Variants in TOX4 observed in about 807,000 individuals in gnomAD.
The protein encoded by TOX4 is TOX high mobility group box family member 4, also known as epidermal Langerhans cell protein LCP1.
A neutral mutation model predicts 61.0 loss-of-function variants in TOX4; 12 were observed. The ratio of observed to expected loss-of-function variants is 0.20; its 90% CI spans 0.13 to 0.32. The LOEUF is 0.32. Among genes scored for constraint, TOX4 ranks in the 10% least tolerant of loss-of-function variants. The pLI is 1.00. For synonymous variants in TOX4, 268 were observed against 274.8 expected, an observed-to-expected ratio of 0.98 and a Z score of 0.24; for missense variants, 499 against 753.3, an observed-to-expected ratio of 0.66 and a Z score of 3.95.
chr14:21,477,381 G>A (rs1055389123), intron 1 of TOX4, 97 bp downstream of exon 1: 1 of 1,612,518 alleles, frequency 6.2e-7, no homozygotes, highest in Non-Finnish European at 8.5e-7. Flanking sequence ...TGACGGGAGA[G>A]GAGAGAGAGC....
At chr14:21,479,773 T>TA (rs1891077650) in intron 2 of TOX4, among the ~76,000 whole-genome samples, 1 of 152,230 alleles carries the variant, frequency 6.6e-6, no homozygotes, top group African/African-American at 2.4e-5. Context: ...ACATTGGACT[T>TA]ACCTGCATGA....
At chr14:21,477,323 C>T (rs1891010024) in intron 1 of TOX4, 39 bp downstream of exon 1, 1 of 1,613,854 alleles carries the variant, frequency 6.2e-7, no homozygotes, top group African/African-American at 1.3e-5. Flanking sequence ...CGAGAGAACG[C>T]GGCCGACCGG....
In TOX4 at chr14:21,498,861, T is replaced by G. The variant is rs1891480844; in HGVS notation, c.*2255T>G. 3 of 597,536 alleles carry G rather than the reference T, an allele frequency of 5.0e-6. No individual in the cohort carries two copies. The highest frequency in any genetic ancestry group is 8.9e-6 in the Non-Finnish European group (3 of 336,748). The allele number at this position is 597,536 out of a possible 1,614,324, so 37.0% of individuals were successfully genotyped here. The stretch of plus-strand genomic sequence containing the variant: ...AACCTGTTGAGTTTCTAATGAATAT[T>G]TGTAGAATCTCATAAAACAGTTTAA... On this transcript the variant is annotated 3_prime_UTR_variant, in exon 9 of 9. Transcript: ENST00000448790.
rs779360856 is a variant in TOX4 at position 21,477,268 on chromosome 14, G to T, written c.-11G>T. On this transcript the variant is annotated 5_prime_UTR_variant, in exon 1 of 9. Coordinates refer to ENST00000448790, the MANE Select transcript of TOX4 (RefSeq NM_014828.4). ...ATGAGGGTCTGAGACGGTGGGAGCGGTTGTGTGAAGATGGAGGTAGGAACC... is the reference window on the plus strand; with the variant it reads ...ATGAGGGTCTGAGACGGTGGGAGCGTTTGTGTGAAGATGGAGGTAGGAACC... The T allele has an allele frequency of 3.7e-6, 6 of 1,613,982 alleles. No individual in the cohort carries two copies. Among genetic ancestry groups the T allele is most frequent in the Non-Finnish European group, 4.2e-6 (5 of 1,179,990 alleles).
intron 7 of TOX4, among the ~76,000 whole-genome samples, chr14:21,494,154 T>C (rs561561889): frequency 6.6e-6 from 1 of 152,118 alleles, no homozygotes; most frequent in Non-Finnish European, 1.5e-5. Context: ...TAAACAGTTA[T>C]TATTCAGAGT....
chr14:21,477,321 C>A, intron 1 of TOX4, 37 bp downstream of exon 1: 1 of 1,613,888 alleles, frequency 6.2e-7, no homozygotes, highest in South Asian at 1.1e-5. Context: ...GGCGAGAGAA[C>A]GCGGCCGACC....
intron 2 of TOX4, among the ~76,000 whole-genome samples, chr14:21,480,218 G>A (rs954673954): frequency 6.6e-6 from 1 of 152,002 alleles, no homozygotes; most frequent in Non-Finnish European, 1.5e-5. Flanking sequence ...GTATTAACAA[G>A]TAATATTATA....
At chr14:21,482,125 T>C (rs560240390) in intron 2 of TOX4, among the ~76,000 whole-genome samples, 1 of 152,360 alleles carries the variant, frequency 6.6e-6, no homozygotes, top group Admixed American at 6.5e-5. Flanking sequence ...CGGAAAGTTC[T>C]ATGATCTGAA....
chr14:21,478,104 T>G (rs1891036378), intron 2 of TOX4, among the ~76,000 whole-genome samples: 1 of 152,178 alleles, frequency 6.6e-6, no homozygotes, highest in Non-Finnish European at 1.5e-5. Flanking sequence ...GCTCGGCTAA[T>G]TTTTGTATAT....
intron 2 of TOX4, among the ~76,000 whole-genome samples, chr14:21,480,221 A>G (rs186800964): frequency 1.3e-5 from 2 of 152,198 alleles, no homozygotes; most frequent in African/African-American, 4.8e-5. Context: ...TTAACAAGTA[A>G]TATTATAATA....
intron 2 of TOX4, among the ~76,000 whole-genome samples, chr14:21,478,140 A>G (rs1454827873): frequency 1.3e-5 from 2 of 152,096 alleles, no homozygotes; most frequent in Admixed American, 6.5e-5. Context: ...GTTTCACCAT[A>G]TTGGCCAGGC....
At chr14:21,480,633 GA>G (rs1891091687) in intron 2 of TOX4, among the ~76,000 whole-genome samples, 2 of 152,028 alleles carry the variant, frequency 1.3e-5, no homozygotes, top group Non-Finnish European at 2.9e-5. Flanking sequence ...TAAAAAAAAT[GA>G]ATAATTGGAC....
Position 21,498,772 on chromosome 14 carries a change from T to C in TOX4, c.*2166T>C. 1 of 500,952 alleles carries C rather than the reference T, an allele frequency of 2.0e-6. No individual in the cohort carries two copies. Among genetic ancestry groups the C allele is most frequent in the South Asian group, 2.6e-5 (1 of 38,208 alleles). 31.0% of individuals were successfully genotyped at this position (500,952 alleles called of 1,614,324 possible). A position where few individuals can be genotyped will look rare whatever the true frequency, so the allele number is the denominator to read the frequency against. On this transcript the variant is annotated 3_prime_UTR_variant, in exon 9 of 9. Coordinates refer to ENST00000448790, the MANE Select transcript of TOX4 (RefSeq NM_014828.4). ...CAGATTCAATACATCACAGAATGGC[T>C]GAGGAAGATCCTTGGGTTGTGAAGA...
At position 21,497,279 on chromosome 14, in the gene TOX4, A is replaced by G. The variant is rs1891422939; in HGVS notation, c.*673A>G. 3 of 152,258 alleles carry G rather than the reference A, an allele frequency of 2.0e-5. No individual in the cohort carries two copies. Among genetic ancestry groups the G allele is most frequent in the Non-Finnish European group, 4.4e-5 (3 of 68,068 alleles). 9.4% of individuals were successfully genotyped at this position (152,258 alleles called of 1,614,324 possible). ...CACTTGTGTTTGATGAACTATCTTTAAAAGACCATAGGTCTATCATTATTT... is the reference window on the plus strand; with the variant it reads ...CACTTGTGTTTGATGAACTATCTTTGAAAGACCATAGGTCTATCATTATTT... On this transcript the variant is annotated 3_prime_UTR_variant, in exon 9 of 9. Coordinates refer to ENST00000448790, the MANE Select transcript of TOX4 (RefSeq NM_014828.4).
At chr14:21,490,712 T>C (rs552286896) in intron 5 of TOX4, among the ~76,000 whole-genome samples, 17 of 152,346 alleles carry the variant, frequency 1.1e-4, no homozygotes, top group South Asian at 6.2e-4. Flanking sequence ...TTTTTAGATA[T>C]TTAACTTTTC....
At position 21,496,631 on chromosome 14, in the gene TOX4, A is replaced by G. The variant is rs1163913250; in HGVS notation, c.*25A>G. ...GTCCTTCCTGTTCTCCAAGCCAGTGAAGAGTTATCTGCTGGGAAAGTGTCC... is the reference window on the plus strand; with the variant it reads ...GTCCTTCCTGTTCTCCAAGCCAGTGGAGAGTTATCTGCTGGGAAAGTGTCC... On this transcript the variant is annotated 3_prime_UTR_variant, in exon 9 of 9. Coordinates refer to ENST00000448790, the MANE Select transcript of TOX4 (RefSeq NM_014828.4). 1.2e-6 allele frequency: 2 copies of G among 1,600,640 alleles called. No individual in the cohort carries two copies. Among genetic ancestry groups the G allele is most frequent in the Admixed American group, 1.7e-5 (1 of 59,916 alleles).
At chr14:21,493,774 G>A (rs1263119459) in intron 7 of TOX4, among the ~76,000 whole-genome samples, 1 of 149,762 alleles carries the variant, frequency 6.7e-6, no homozygotes, top group South Asian at 2.1e-4. Context: ...TTCTTGAGAC[G>A]GAGTCTCGCT....
At position 21,497,493 on chromosome 14, in the gene TOX4, A is replaced by T. The variant is rs1267173413; in HGVS notation, c.*887A>T. Reference sequence around the variant, plus strand: ...CCAGCTACGTACATAGTTTTATCCTATGCATTCCTGTTTTCTGTGTGTTTT... The same window carrying T: ...CCAGCTACGTACATAGTTTTATCCTTTGCATTCCTGTTTTCTGTGTGTTTT... On this transcript the variant is annotated 3_prime_UTR_variant, in exon 9 of 9. Transcript: ENST00000448790. 1 of 144,148 alleles carries T rather than the reference A, an allele frequency of 6.9e-6. No individual in the cohort carries two copies. The highest frequency in any genetic ancestry group is 7.0e-5 in the Admixed American group (1 of 14,358). 8.9% of individuals were successfully genotyped at this position (144,148 alleles called of 1,614,324 possible).
At chr14:21,493,661 ACTC>A (rs1159922727) in intron 7 of TOX4, among the ~76,000 whole-genome samples, 1 of 151,146 alleles carries the variant, frequency 6.6e-6, no homozygotes, top group African/African-American at 2.4e-5. Flanking sequence ...CTGGTCTCGA[ACTC>A]CTGATCTCAG....
Sources: allele counts gnomAD v4.1 joint callset (sites outside exome capture counted in the v4.1 genomes callset), GRCh38; gene constraint gnomAD v4.1.1; transcripts MANE v1.5; gene names NCBI Gene and HGNC (gene_info 2026-07-23, HGNC 2026-07-21).